Variants in RNF128 observed in about 807,000 individuals in gnomAD.
RNF128 encodes the protein E3 ubiquitin-protein ligase RNF128.
A neutral mutation model predicts 26.2 loss-of-function variants in RNF128; 13 were observed. That is an observed-to-expected ratio of 0.50 (90% CI 0.32 to 0.79). The LOEUF (loss-of-function observed/expected upper bound fraction) is 0.79. Ranked by LOEUF, RNF128 falls within the 30% of genes least tolerant of loss-of-function variation. RNF128 has a pLI of 0.03. For synonymous variants in RNF128, 149 were observed against 142.5 expected (o/e 1.05, Z -0.32); for missense variants, 315 against 349.7 (o/e 0.90, Z 0.79).
At chrX:106,747,328 A>C (rs1569440312) in intron 1 of RNF128, among the ~76,000 whole-genome samples, 1 of 112,053 alleles carries the variant, frequency 8.9e-6, no homozygotes, top group Admixed American at 9.5e-5. Flanking sequence ...GGTTTAGACT[A>C]TCTGTTGTCC....
chrX:106,784,722 T>A (rs942317205), intron 2 of RNF128, among the ~76,000 whole-genome samples: 14 of 111,747 alleles, frequency 1.3e-4, no homozygotes, highest in African/African-American at 4.5e-4. Context: ...AAAAAATGCA[T>A]ATTAATGTCC....
intron 1 of RNF128, among the ~76,000 whole-genome samples, chrX:106,698,372 A>T (rs1188917434): frequency 9.0e-6 from 1 of 110,655 alleles, no homozygotes; most frequent in Non-Finnish European, 1.9e-5. Context: ...CAGAATCTCC[A>T]AAACTCAACC....
At chrX:106,740,852 A>G (rs968744696) in intron 1 of RNF128, among the ~76,000 whole-genome samples, 22 of 111,809 alleles carry the variant, frequency 2.0e-4, no homozygotes, top group African/African-American at 7.1e-4. Context: ...ACTGCCCGAC[A>G]AATAATCTAA....
intron 1 of RNF128, among the ~76,000 whole-genome samples, chrX:106,749,904 C>CAA (rs374223408): frequency 3.1e-4 from 22 of 71,564 alleles, no homozygotes; most frequent in African/African-American, 9.8e-4. Context: ...GACCTTGTTT[C>CAA]AAAAAAAAAA....
chrX:106,756,527 T>C (rs1258058586), intron 1 of RNF128, among the ~76,000 whole-genome samples: 3 of 110,070 alleles, frequency 2.7e-5, no homozygotes, highest in Non-Finnish European at 3.8e-5. Flanking sequence ...GAAAACTGGC[T>C]AGCCATATGT....
chrX:106,765,541 GA>G (rs1044683139), intron 1 of RNF128, among the ~76,000 whole-genome samples: 1 of 110,988 alleles, frequency 9.0e-6, no homozygotes, highest in Middle Eastern at 4.7e-3. Context: ...CAAATAAATA[GA>G]AAAAAGGGGC....
intron 1 of RNF128, among the ~76,000 whole-genome samples, chrX:106,751,625 C>G (rs1929888479): frequency 9.1e-6 from 1 of 110,365 alleles, no homozygotes; most frequent in Non-Finnish European, 1.9e-5. Flanking sequence ...GCTCACAGCT[C>G]TGGGAGGAGA....
intron 1 of RNF128, among the ~76,000 whole-genome samples, chrX:106,744,306 A>G (rs1051025996): frequency 2.7e-5 from 3 of 111,715 alleles, no homozygotes; most frequent in Non-Finnish European, 5.6e-5. Flanking sequence ...TATAGATCTC[A>G]TGCAGAAACA....
At chrX:106,698,044 GTAAGTATGTAACTTCCTAACAATC>G (rs1434013962) in intron 1 of RNF128, among the ~76,000 whole-genome samples, 1 of 107,111 alleles carries the variant, frequency 9.3e-6, no homozygotes, top group African/African-American at 3.4e-5. Flanking sequence ...ATGTTCTTAA[GTAAGTATGTAACTTCCTAACAATC>G]TTTTCCGAGC....
At chrX:106,790,943 C>A (rs1360500493) in intron 5 of RNF128, 123 bp from the exon 6 acceptor site, 1 of 594,664 alleles carries the variant, frequency 1.7e-6, no homozygotes. Context: ...CAAAAGGGAT[C>A]ATAGGTTTAA....
chrX:106,753,942 G>T (rs192535639), intron 1 of RNF128, among the ~76,000 whole-genome samples: 1 of 112,050 alleles, frequency 8.9e-6, no homozygotes, highest in East Asian at 2.8e-4. Flanking sequence ...GCACCCAGGT[G>T]TATAAAGCAA....
chrX:106,734,067 G>A (rs752069027), intron 1 of RNF128, among the ~76,000 whole-genome samples: 4 of 111,631 alleles, frequency 3.6e-5, no homozygotes, highest in African/African-American at 6.5e-5. Flanking sequence ...ATATATACTA[G>A]TTTTGTATAC....
chrX:106,779,330 T>A (rs12854784), intron 2 of RNF128, among the ~76,000 whole-genome samples: 3 of 104,234 alleles, frequency 2.9e-5, no homozygotes, highest in Non-Finnish European at 5.9e-5. Context: ...AATTAATACA[T>A]CTATCCCTAC....
intron 1 of RNF128, among the ~76,000 whole-genome samples, chrX:106,736,654 A>G (rs765850913): frequency 2.7e-5 from 3 of 111,633 alleles, no homozygotes; most frequent in African/African-American, 9.7e-5. Flanking sequence ...TTAAATACAC[A>G]TTTCCTTCAT....
intron 1 of RNF128, among the ~76,000 whole-genome samples, chrX:106,710,248 G>A (rs898535412): frequency 1.8e-5 from 2 of 111,518 alleles, no homozygotes; most frequent in Non-Finnish European, 3.8e-5. Flanking sequence ...TGAACAGAAG[G>A]AAAGCAGTGA....
intron 1 of RNF128, among the ~76,000 whole-genome samples, chrX:106,702,593 C>G (rs1255159274): frequency 9.0e-6 from 1 of 111,680 alleles, no homozygotes; most frequent in African/African-American, 3.3e-5. Flanking sequence ...AGTACATTCC[C>G]TAGGCAGCAA....
At chrX:106,772,378 A>C (rs758650708) in intron 1 of RNF128, among the ~76,000 whole-genome samples, 1 of 111,896 alleles carries the variant, frequency 8.9e-6, no homozygotes, top group African/African-American at 3.2e-5. Flanking sequence ...ATGGTACATC[A>C]TGGACATATG....
Position 106,791,170 on chromosome X carries a change from A to G in RNF128, c.1089A>G (p.Ser363=). The G allele has an allele frequency of 1.7e-6, 2 of 1,210,207 alleles. No homozygotes were observed. Among genetic ancestry groups the G allele is most frequent in the Non-Finnish European group, 2.2e-6 (2 of 894,361 alleles). Residue 363 remains serine (S), a synonymous_variant, in exon 6 of 7, where the codon TCA becomes TCG. Transcript: ENST00000255499. The part of the protein sequence containing the change: ...HEEDNRSETA[S]SGYASVQGTD... ...AGGATAATCGCAGCGAGACCGCATC[A>G]TCTGGATATGCTTCAGTACAGGGAA... is the stretch of plus-strand genomic sequence containing the variant.
At chrX:106,790,159 G>T in intron 4 of RNF128, 27 bp from the exon 5 acceptor site, 1 of 1,013,610 alleles carries the variant, frequency 9.9e-7, no homozygotes. Flanking sequence ...CTTTACAACT[G>T]ATAATTATGT....
Sources: allele counts gnomAD v4.1 joint callset (sites outside exome capture counted in the v4.1 genomes callset), GRCh38; gene constraint gnomAD v4.1.1; transcripts MANE v1.5; gene names NCBI Gene and HGNC (gene_info 2026-07-23, HGNC 2026-07-21).